MTX2: variants seen among roughly 807,000 people sequenced by gnomAD.
MTX2 encodes the protein metaxin 2.
In MTX2, 35 loss-of-function variants were observed where a neutral mutation model predicts 42.3. The observed-to-expected ratio is 0.83, with a 90% CI of 0.63 to 1.10. The LOEUF (loss-of-function observed/expected upper bound fraction) is 1.10, where lower values mean the gene tolerates loss of function less well. MTX2 is among the 50% of genes least tolerant of loss of function. MTX2 has a pLI of 0.00. For synonymous variants in MTX2, 119 were observed against 100.9 expected (o/e 1.18, Z -1.08); for missense variants, 307 against 304.1 (o/e 1.01, Z -0.07).
chr2:176,315,502 T>C (rs1032438540), intron 3 of MTX2, among the ~76,000 whole-genome samples: 16 of 152,156 alleles, frequency 1.1e-4, no homozygotes, highest in Non-Finnish European at 1.9e-4. Context: ...AGCCTCCTAA[T>C]TAGTTCTCCT....
At chr2:176,312,831 C>G (rs1004797042) in intron 3 of MTX2, among the ~76,000 whole-genome samples, 2 of 144,838 alleles carry the variant, frequency 1.4e-5, no homozygotes, top group South Asian at 2.2e-4. Flanking sequence ...TCATTGCACT[C>G]CAGCCTGGGC....
Position 176,328,404 on chromosome 2 carries a change from C to A in MTX2, c.378+19C>A. ...TGCAGAGGTAAAATACTAGATGATA[C>A]GGCTTGAAAATAAGCTTTTTCTCTC... On this transcript the variant is annotated intron_variant, in intron 6 of 9. Coordinates refer to ENST00000249442, the MANE Select transcript of MTX2 (RefSeq NM_006554.5). 1 of 1,427,054 alleles carries A rather than the reference C, an allele frequency of 7.0e-7. No individual in the cohort carries two copies. Among genetic ancestry groups the A allele is most frequent in the East Asian group, 2.4e-5 (1 of 41,052 alleles). The allele number at this position is 1,427,054 out of a possible 1,614,324, so 88.4% of individuals were successfully genotyped here.
chr2:176,269,601 G>C lies in MTX2; in HGVS notation c.-29G>C. 2 of 1,569,526 alleles carry C rather than the reference G, an allele frequency of 1.3e-6. No individual in the cohort carries two copies. The highest frequency in any genetic ancestry group is 1.7e-6 in the Non-Finnish European group (2 of 1,162,220). On this transcript the variant is annotated 5_prime_UTR_variant, in exon 1 of 10. Coordinates refer to ENST00000249442, the MANE Select transcript of MTX2 (RefSeq NM_006554.5). Reference sequence around the variant, plus strand: ...GGACGCTGAGGCCCGTGGGGGGCAGGCACCCGGGCGCCGGGCCTCCCAGCC... The same window carrying C: ...GGACGCTGAGGCCCGTGGGGGGCAGCCACCCGGGCGCCGGGCCTCCCAGCC...
At position 176,323,555 on chromosome 2, in the gene MTX2, G is replaced by T; in HGVS notation, c.208+91G>T. 3.3e-6 allele frequency: 4 copies of T among 1,207,888 alleles called. No individual in the cohort carries two copies. The South Asian group carries it at 5.7e-5, about 17-fold the overall frequency. 74.8% of individuals were successfully genotyped at this position (1,207,888 alleles called of 1,614,324 possible). A position where few individuals can be genotyped will look rare whatever the true frequency, so the allele number is the denominator to read the frequency against. On this transcript the variant is annotated intron_variant, in intron 4 of 9. Coordinates refer to ENST00000249442, the MANE Select transcript of MTX2 (RefSeq NM_006554.5). ...TTTGTATCTACATGTTAAAATGCCT[G>T]ATTTTTTTTGTTTACCCTTTGAAGA...
chr2:176,282,858 C>G (rs1693114783), intron 1 of MTX2, among the ~76,000 whole-genome samples: 1 of 152,012 alleles, frequency 6.6e-6, no homozygotes, highest in Admixed American at 6.6e-5. Flanking sequence ...CATGCACCAC[C>G]ACACCTGGCT....
intron 9 of MTX2, 74 bp downstream of exon 9, chr2:176,330,734 T>A: frequency 2.0e-6 from 2 of 1,017,192 alleles, no homozygotes; most frequent in Non-Finnish European, 3.0e-6. Context: ...CATAAAAGAA[T>A]TGCTTTTTCA....
chr2:176,337,512 C>G lies in MTX2; in HGVS notation c.640C>G (p.Leu214Val). ...TTTTAGGCCTACTGAACTTGACGCA[C>G]TGGTATTTGGCCATCTATACACCAT... is the stretch of plus-strand genomic sequence containing the variant. ...FNKQPTELDALVFGHLYTILT... is the reference protein window; with the variant it reads ...FNKQPTELDAVVFGHLYTILT... Residue 214 changes from leucine (L) to valine (V), a missense_variant, in exon 10 of 10, where the codon CTG becomes GTG. Leu to Val is a conservative substitution (Grantham distance 32). Transcript: ENST00000249442. 6.2e-7 allele frequency: 1 copy of G among 1,604,124 alleles called. No homozygotes were observed. Among genetic ancestry groups the G allele is most frequent in the Non-Finnish European group, 8.5e-7 (1 of 1,175,524 alleles).
At chr2:176,308,689 A>G (rs1684217255) in intron 3 of MTX2, among the ~76,000 whole-genome samples, 1 of 152,080 alleles carries the variant, frequency 6.6e-6, no homozygotes, top group South Asian at 2.1e-4. Flanking sequence ...AGAGGTGTTT[A>G]TAGTATTCTC....
At chr2:176,318,892 G>A (rs1419686702) in intron 3 of MTX2, among the ~76,000 whole-genome samples, 2 of 152,180 alleles carry the variant, frequency 1.3e-5, no homozygotes, top group South Asian at 4.1e-4. Flanking sequence ...CTAGCCACAC[G>A]TGCCTGTTGA....
intron 4 of MTX2, among the ~76,000 whole-genome samples, chr2:176,325,517 A>G (rs1467416174): frequency 6.6e-6 from 1 of 151,736 alleles, no homozygotes; most frequent in Non-Finnish European, 1.5e-5. Context: ...CGCTCAATGT[A>G]TTTTTAAGAA....
At chr2:176,307,811 G>A (rs1684190012) in intron 3 of MTX2, among the ~76,000 whole-genome samples, 1 of 152,030 alleles carries the variant, frequency 6.6e-6, no homozygotes, top group African/African-American at 2.4e-5. Flanking sequence ...GAGACGATGG[G>A]GTTTTCTAAA....
rs1052808998 is a variant in MTX2 at position 176,280,640 on chromosome 2, C to T, written c.40+10971C>T. On this transcript the variant is annotated intron_variant, in intron 1 of 9. Coordinates refer to ENST00000249442, the MANE Select transcript of MTX2 (RefSeq NM_006554.5). ...CAGTCATAAAAGCAATAAGCAACAT[C>T]GAGTTCCTTAAGGAGGCAATTCTCC... 3.0e-4 allele frequency among the ~76,000 whole-genome samples: 46 copies of T among 152,146 alleles called. 1 individual carries two copies. The highest frequency in any genetic ancestry group is 7.4e-5 in the Non-Finnish European group (5 of 68,026).
intron 1 of MTX2, among the ~76,000 whole-genome samples, chr2:176,295,114 A>G (rs1683827801): frequency 6.6e-6 from 1 of 152,198 alleles, no homozygotes; most frequent in South Asian, 2.1e-4. Context: ...ATCGTAGTAC[A>G]GTGTGGGGTA....
chr2:176,311,770 T>C (rs1035159690), intron 3 of MTX2, among the ~76,000 whole-genome samples: 14 of 152,184 alleles, frequency 9.2e-5, no homozygotes, highest in African/African-American at 3.4e-4. Context: ...AGCACAGTAT[T>C]TGGGTGGAAG....
chr2:176,325,290 C>A (rs528444466), intron 4 of MTX2, among the ~76,000 whole-genome samples: 2 of 151,778 alleles, frequency 1.3e-5, no homozygotes, highest in Admixed American at 6.6e-5. Context: ...ACCTTTGATT[C>A]GCACCAGAAA....
rs3769994 is a variant in MTX2, at chr2:176,324,835, A to G, written c.208+1371A>G. Among the ~76,000 whole-genome samples the G allele has an allele frequency of 1.1e-4, 17 of 151,924 alleles. No individual in the cohort carries two copies. In the East Asian group the frequency reaches 3.3e-3, roughly 29 times the overall value. ...TCTCCTATAGGTAGATGAAAATGGCACTTTCTACTAAGATATTTAAACTTT... is the reference window on the plus strand; with the variant it reads ...TCTCCTATAGGTAGATGAAAATGGCGCTTTCTACTAAGATATTTAAACTTT... On this transcript the variant is annotated intron_variant, in intron 4 of 9. Transcript: ENST00000249442.
chr2:176,288,582 A>G (rs1164655660), intron 1 of MTX2, among the ~76,000 whole-genome samples: 1 of 151,092 alleles, frequency 6.6e-6, no homozygotes, highest in Non-Finnish European at 1.5e-5. Flanking sequence ...TGCTGAAGAG[A>G]TGACATCTAT....
chr2:176,316,892 G>A (rs1384509354), intron 3 of MTX2, among the ~76,000 whole-genome samples: 1 of 151,442 alleles, frequency 6.6e-6, no homozygotes, highest in African/African-American at 2.4e-5. Flanking sequence ...TGTATTTATA[G>A]CAATAACATT....
chr2:176,287,117 A>T (rs542549358), intron 1 of MTX2, among the ~76,000 whole-genome samples: 1 of 152,318 alleles, frequency 6.6e-6, no homozygotes, highest in South Asian at 2.1e-4. Context: ...AACTTCAGAC[A>T]TTGTAAAGGT....
Sources: allele counts gnomAD v4.1 joint callset (sites outside exome capture counted in the v4.1 genomes callset), GRCh38; gene constraint gnomAD v4.1.1; transcripts MANE v1.5; gene names NCBI Gene and HGNC (gene_info 2026-07-23, HGNC 2026-07-21).